Variants in MSRA observed in about 807,000 individuals in gnomAD.
MSRA encodes methionine sulfoxide reductase A, also known as mitochondrial peptide methionine sulfoxide reductase.
In MSRA, 54 loss-of-function variants were observed where a neutral mutation model predicts 31.3. The observed-to-expected ratio is 1.73, with a 90% CI of 1.39 to 2.17. The LOEUF is 2.17. MSRA is among the 30% of genes most tolerant of loss of function. MSRA has a pLI of 0.00. For missense variants in MSRA, 507 were observed against 300.9 expected, an observed-to-expected ratio of 1.69 and a Z score of -5.07; for synonymous variants, 169 against 116.5, an observed-to-expected ratio of 1.45 and a Z score of -2.90.
intron 5 of MSRA, among the ~76,000 whole-genome samples, chr8:10,418,851 A>T (rs1352529551): frequency 1.8e-3 from 272 of 151,184 alleles, no homozygotes; most frequent in Non-Finnish European, 3.1e-3. Flanking sequence ...AACAAAAAAA[A>T]AAAACACCAA....
chr8:10,205,627 T>C (rs1287504081), intron 1 of MSRA, among the ~76,000 whole-genome samples: 1 of 152,188 alleles, frequency 6.6e-6, no homozygotes, highest in Non-Finnish European at 1.5e-5. Context: ...GAAAAATCTA[T>C]AATTTTCATT....
chr8:10,076,481 A>T (rs944395599), intron 1 of MSRA, among the ~76,000 whole-genome samples: 1 of 152,174 alleles, frequency 6.6e-6, no homozygotes, highest in South Asian at 2.1e-4. Context: ...ACTTAAACCC[A>T]TAGTCTTATA....
intron 1 of MSRA, among the ~76,000 whole-genome samples, chr8:10,101,235 C>T (rs964239786): frequency 1.3e-5 from 2 of 152,114 alleles, no homozygotes; most frequent in Non-Finnish European, 2.9e-5. Flanking sequence ...CATGGTATTT[C>T]CCTCACACGA....
At chr8:10,164,603 C>G (rs1185317498) in intron 1 of MSRA, among the ~76,000 whole-genome samples, 1 of 152,182 alleles carries the variant, frequency 6.6e-6, no homozygotes, top group Non-Finnish European at 1.5e-5. Context: ...GTACCCAAAT[C>G]CTAATAGACT....
chr8:10,210,511 T>C (rs568133097), intron 2 of MSRA, among the ~76,000 whole-genome samples: 3 of 152,306 alleles, frequency 2.0e-5, no homozygotes, highest in Non-Finnish European at 4.4e-5. Context: ...TCTTGAGAAG[T>C]AGCCTTTGCT....
At chr8:10,112,830 C>T (rs1038048530) in intron 1 of MSRA, among the ~76,000 whole-genome samples, 6 of 152,156 alleles carry the variant, frequency 3.9e-5, no homozygotes, top group African/African-American at 1.4e-4. Flanking sequence ...GACCTCAAGG[C>T]CCATTGCTGC....
At chr8:10,221,199 G>T (rs569958569) in intron 2 of MSRA, among the ~76,000 whole-genome samples, 3 of 152,190 alleles carry the variant, frequency 2.0e-5, no homozygotes, top group African/African-American at 7.2e-5. Context: ...ACATAGGTCT[G>T]CAGTGATGCA....
chr8:10,099,411 A>G (rs1563437557), intron 1 of MSRA, among the ~76,000 whole-genome samples: 1 of 152,126 alleles, frequency 6.6e-6, no homozygotes, highest in Non-Finnish European at 1.5e-5. Context: ...AGGAATTCCT[A>G]GTGTAGTTGG....
chr8:10,242,338 T>A (rs1157692395), intron 2 of MSRA, among the ~76,000 whole-genome samples: 1 of 151,538 alleles, frequency 6.6e-6, no homozygotes, highest in Non-Finnish European at 1.5e-5. Context: ...ATGTCAGGGG[T>A]GGACACTTAG....
At chr8:10,124,042 G>A (rs1243095834) in intron 1 of MSRA, among the ~76,000 whole-genome samples, 2 of 151,914 alleles carry the variant, frequency 1.3e-5, no homozygotes, top group African/African-American at 4.8e-5. Context: ...TTTGACCTTG[G>A]GATTGCAGAG....
intron 1 of MSRA, among the ~76,000 whole-genome samples, chr8:10,157,594 G>T (rs1333348725): frequency 6.6e-6 from 1 of 151,758 alleles, no homozygotes; most frequent in Non-Finnish European, 1.5e-5. Flanking sequence ...ACTTTGTAAG[G>T]GGCAATGAAA....
chr8:10,126,079 C>G (rs955533218), intron 1 of MSRA, among the ~76,000 whole-genome samples: 22 of 152,200 alleles, frequency 1.4e-4, no homozygotes, highest in African/African-American at 5.1e-4. Context: ...AATCATGCTA[C>G]TTTCATTCTC....
chr8:10,168,135 A>G (rs1321836510), intron 1 of MSRA, among the ~76,000 whole-genome samples: 1 of 152,224 alleles, frequency 6.6e-6, no homozygotes, highest in Non-Finnish European at 1.5e-5. Context: ...TATCTGTAAA[A>G]TGGAGATAAT....
intron 3 of MSRA, among the ~76,000 whole-genome samples, chr8:10,276,096 T>C (rs1445433451): frequency 6.6e-6 from 1 of 152,120 alleles, no homozygotes; most frequent in African/African-American, 2.4e-5. Context: ...ACTGCAGCGG[T>C]CGTTACTGTG....
chr8:10,251,992 A>T (rs776619014), intron 3 of MSRA, among the ~76,000 whole-genome samples: 1 of 152,178 alleles, frequency 6.6e-6, no homozygotes, highest in East Asian at 1.9e-4. Context: ...AGGGTTCTGC[A>T]GGAGCTCCAG....
At chr8:10,362,461 CAAAAAAAAAA>C (rs11388593) in intron 5 of MSRA, among the ~76,000 whole-genome samples, 3 of 76,720 alleles carry the variant, frequency 3.9e-5, no homozygotes, top group South Asian at 5.2e-4. Context: ...ATACCATAAG[CAAAAAAAAAA>C]AAAAAAAAAA....
chr8:10,394,477 T>C (rs181446861), intron 5 of MSRA, among the ~76,000 whole-genome samples: 1 of 152,264 alleles, frequency 6.6e-6, no homozygotes, highest in Non-Finnish European at 1.5e-5. Context: ...TGCACACGTT[T>C]TCTCATTTGA....
chr8:10,358,902 G>C (rs1020129597), intron 5 of MSRA, among the ~76,000 whole-genome samples: 4 of 152,258 alleles, frequency 2.6e-5, no homozygotes, highest in African/African-American at 9.6e-5. Flanking sequence ...TCTTATAGGA[G>C]CAGGAACCCT....
intron 5 of MSRA, among the ~76,000 whole-genome samples, chr8:10,359,718 G>C (rs1317760682): frequency 6.6e-6 from 1 of 151,940 alleles, no homozygotes; most frequent in African/African-American, 2.4e-5. Context: ...CTCAGATGGA[G>C]GATGGTCTCA....
Sources: gnomAD v4.1 joint callset for allele counts (sites outside exome capture counted in the v4.1 genomes callset) on GRCh38, gnomAD v4.1.1 for gene constraint, MANE v1.5 for transcripts, NCBI Gene and HGNC (gene_info 2026-07-23, HGNC 2026-07-21) for gene names.